FAF1: variants seen among roughly 807,000 people sequenced by gnomAD.
FAF1 encodes Fas associated factor 1.
Under a neutral mutation model 92.5 loss-of-function variants are expected in FAF1, and 25 were observed. The ratio of observed to expected loss-of-function variants is 0.27; its 90% CI spans 0.20 to 0.38. FAF1 has a LOEUF of 0.38. FAF1 is among the 10% of genes least tolerant of loss of function. The pLI is 1.00. For synonymous variants in FAF1, 234 were observed against 273.2 expected, an observed-to-expected ratio of 0.86 and a Z score of 1.42; for missense variants, 636 against 793.3, an observed-to-expected ratio of 0.80 and a Z score of 2.38.
At chr1:50,768,260 T>C (rs1461120780) in intron 4 of FAF1, among the ~76,000 whole-genome samples, 1 of 152,128 alleles carries the variant, frequency 6.6e-6, no homozygotes, top group Non-Finnish European at 1.5e-5. Flanking sequence ...ATCCTAAATA[T>C]ATGCACCAAA....
intron 17 of FAF1, among the ~76,000 whole-genome samples, chr1:50,482,850 T>C (rs1023936962): frequency 2.6e-5 from 4 of 152,208 alleles, no homozygotes; most frequent in African/African-American, 9.6e-5. Context: ...ATACTTGGGT[T>C]GCTTTCTTAT....
chr1:50,550,306 G>A (rs1212333022), intron 13 of FAF1, among the ~76,000 whole-genome samples: 2 of 146,430 alleles, frequency 1.4e-5, no homozygotes, highest in African/African-American at 5.2e-5. Flanking sequence ...AATCGAGATC[G>A]CGCCCCTGCA....
intron 2 of FAF1, among the ~76,000 whole-genome samples, chr1:50,811,999 C>G (rs530567148): frequency 5.6e-4 from 85 of 152,224 alleles, no homozygotes; most frequent in African/African-American, 1.8e-3. Flanking sequence ...GTTGGGGTAG[C>G]TGGTTAGTCA....
At chr1:50,883,368 C>G (rs934122475) in intron 1 of FAF1, among the ~76,000 whole-genome samples, 5 of 152,164 alleles carry the variant, frequency 3.3e-5, no homozygotes, top group Non-Finnish European at 5.9e-5. Context: ...TTGCCAGTTA[C>G]CACCTAAACT....
At chr1:50,842,361 T>C (rs1017532775) in intron 2 of FAF1, among the ~76,000 whole-genome samples, 6 of 152,146 alleles carry the variant, frequency 3.9e-5, no homozygotes, top group Non-Finnish European at 8.8e-5. Flanking sequence ...TAGCTTGCCA[T>C]TTGAGGTCTA....
chr1:50,591,183 G>A (rs947001633), intron 9 of FAF1, among the ~76,000 whole-genome samples: 5 of 152,092 alleles, frequency 3.3e-5, no homozygotes, highest in Non-Finnish European at 5.9e-5. Flanking sequence ...AGATGATGAC[G>A]TGTTTTTTTC....
intron 1 of FAF1, among the ~76,000 whole-genome samples, chr1:50,954,693 C>T (rs1257991173): frequency 6.6e-6 from 1 of 151,964 alleles, no homozygotes; most frequent in African/African-American, 2.4e-5. Flanking sequence ...CACCAGCCAC[C>T]ATGCCCGGCT....
In FAF1 at chr1:50,500,952, T is replaced by C. The variant is rs541294091; in HGVS notation, c.1495-9151A>G. ...TTTATTCTAGTGAATTATCGTGATA[T>C]AGTAAGAAATATTTTTGAATAGTAG... is the stretch of plus-strand genomic sequence containing the variant. On this transcript the variant is annotated intron_variant, in intron 15 of 18. Coordinates refer to ENST00000396153, the MANE Select transcript of FAF1 (RefSeq NM_007051.3). Among the ~76,000 whole-genome samples, 216 of 152,296 alleles carry C rather than the reference T, an allele frequency of 1.4e-3. 3 individuals carry two copies. The highest frequency in any genetic ancestry group is 5.1e-3 in the African/African-American group (214 of 41,568).
intron 8 of FAF1, among the ~76,000 whole-genome samples, chr1:50,642,597 C>G (rs1428252884): frequency 6.6e-6 from 1 of 151,784 alleles, no homozygotes; most frequent in Non-Finnish European, 1.5e-5. Flanking sequence ...TGCAGTGAGC[C>G]AAGATCACGC....
At chr1:50,638,722 G>C (rs1218348976) in intron 8 of FAF1, among the ~76,000 whole-genome samples, 8 of 152,020 alleles carry the variant, frequency 5.3e-5, no homozygotes, top group Non-Finnish European at 1.0e-4. Flanking sequence ...GGGATTACAG[G>C]CATGAGCCAC....
rs142350045 is a variant in FAF1 at position 50,681,526 on chromosome 1, A to C, written c.657+24260T>G. ...GCACAATCTTTCTTTTCTTTTTTTGAGACAGAGTTTCACTCTTGTTGCCCA... is the reference window on the plus strand; with the variant it reads ...GCACAATCTTTCTTTTCTTTTTTTGCGACAGAGTTTCACTCTTGTTGCCCA... On this transcript the variant is annotated intron_variant, in intron 7 of 18. Transcript: ENST00000396153. Among the ~76,000 whole-genome samples, 1,173 of 151,996 alleles carry C rather than the reference A, an allele frequency of 7.7e-3. 13 individuals are homozygous for C. Among genetic ancestry groups the C allele is most frequent in the African/African-American group, 0.027 (1,133 of 41,472 alleles).
At chr1:50,512,040 T>A (rs373860340) in intron 15 of FAF1, among the ~76,000 whole-genome samples, 3 of 152,368 alleles carry the variant, frequency 2.0e-5, no homozygotes, top group Middle Eastern at 3.4e-3. Flanking sequence ...ATAAAAGTCT[T>A]CTTTTGAGAA....
intron 7 of FAF1, among the ~76,000 whole-genome samples, chr1:50,693,866 C>T (rs1358506838): frequency 6.6e-6 from 1 of 151,888 alleles, no homozygotes; most frequent in Non-Finnish European, 1.5e-5. Context: ...TTTCTAAATT[C>T]CCACATAATG....
intron 3 of FAF1, among the ~76,000 whole-genome samples, chr1:50,792,986 G>C (rs554675574): frequency 6.6e-6 from 1 of 152,190 alleles, no homozygotes; most frequent in Admixed American, 6.5e-5. Context: ...TTTTTTGTTT[G>C]TTTTTGTTTG....
intron 12 of FAF1, 79 bp from the exon 13 acceptor site, chr1:50,567,310 G>A: frequency 2.8e-6 from 3 of 1,069,980 alleles, no homozygotes; most frequent in South Asian, 1.8e-5. Context: ...GGCATAATTA[G>A]TCTATATGAA....
chr1:50,512,398 C>T lies in FAF1; in HGVS notation c.1495-20597G>A, dbSNP rs186049999. Among the ~76,000 whole-genome samples, 271 of 152,190 alleles carry T rather than the reference C, an allele frequency of 1.8e-3. 1 individual carries two copies. The highest frequency in any genetic ancestry group is 6.3e-3 in the African/African-American group (263 of 41,542). ...GTCTTACATTTAAGTCTTTAATCCA[C>T]CTTGAGTTAATTTTTGTATAAGGTG... On this transcript the variant is annotated intron_variant, in intron 15 of 18. Coordinates refer to ENST00000396153, the MANE Select transcript of FAF1 (RefSeq NM_007051.3).
intron 1 of FAF1, among the ~76,000 whole-genome samples, chr1:50,945,125 C>T (rs1254993742): frequency 1.3e-5 from 2 of 152,194 alleles, no homozygotes; most frequent in Admixed American, 1.3e-4. Flanking sequence ...AGCATGGAAG[C>T]ATCAAATACC....
intron 2 of FAF1, among the ~76,000 whole-genome samples, chr1:50,819,856 CT>C (rs1644027651): frequency 7.0e-6 from 1 of 142,142 alleles, no homozygotes; most frequent in Admixed American, 7.2e-5. Flanking sequence ...AGCTTCAGCA[CT>C]TACTAGGAAA....
intron 4 of FAF1, among the ~76,000 whole-genome samples, chr1:50,761,741 G>A (rs1660336063): frequency 2.0e-5 from 3 of 152,110 alleles, no homozygotes; most frequent in Non-Finnish European, 4.4e-5. Context: ...CATACTGAAT[G>A]GGCAAAAACT....
Sources: allele counts gnomAD v4.1 joint callset (sites outside exome capture counted in the v4.1 genomes callset), GRCh38; gene constraint gnomAD v4.1.1; transcripts MANE v1.5; gene names NCBI Gene and HGNC (gene_info 2026-07-23, HGNC 2026-07-21).